Variants in IGF2BP3 observed in about 807,000 individuals in gnomAD.
The protein encoded by IGF2BP3 is insulin like growth factor 2 mRNA binding protein 3.
Under a neutral mutation model 73.8 loss-of-function variants are expected in IGF2BP3, and 9 were observed. That is an observed-to-expected ratio of 0.12 (90% CI 0.07 to 0.21). The LOEUF (loss-of-function observed/expected upper bound fraction) is 0.21. Ranked by LOEUF, IGF2BP3 falls within the 10% of genes least tolerant of loss-of-function variation. IGF2BP3 has a pLI of 1.00. For synonymous variants in IGF2BP3, 258 were observed against 256.7 expected (o/e 1.01, Z -0.05); for missense variants, 542 against 714.0 (o/e 0.76, Z 2.75).
At chr7:23,378,358 C>CAA (rs397955498) in intron 3 of IGF2BP3, among the ~76,000 whole-genome samples, 2,947 of 123,906 alleles carry the variant, frequency 0.024, 44 homozygotes, top group Middle Eastern at 0.047. Flanking sequence ...AGATAGTTTT[C>CAA]AAAAAAAAAA....
At chr7:23,400,894 G>A (rs1786639212) in intron 3 of IGF2BP3, among the ~76,000 whole-genome samples, 1 of 152,186 alleles carries the variant, frequency 6.6e-6, no homozygotes, top group Non-Finnish European at 1.5e-5. Flanking sequence ...CCACCTCCTG[G>A]GTTCAAGTAA....
intron 2 of IGF2BP3, among the ~76,000 whole-genome samples, chr7:23,428,531 AT>A (rs1787583072): frequency 1.4e-5 from 2 of 143,822 alleles, no homozygotes; most frequent in African/African-American, 5.5e-5. Context: ...AAAAAAAAAT[AT>A]ATATATATAA....
chr7:23,349,320 G>A (rs1378115647), intron 6 of IGF2BP3, among the ~76,000 whole-genome samples: 1 of 152,066 alleles, frequency 6.6e-6, no homozygotes, highest in African/African-American at 2.4e-5. Context: ...ATGTTTGGTT[G>A]AAATCTGAAG....
Position 23,342,198 on chromosome 7 carries a change from G to A in IGF2BP3, c.1078-9C>T, listed in dbSNP as rs762304264. The A allele has an allele frequency of 2.2e-5, 35 of 1,613,040 alleles. No homozygotes were observed. Among genetic ancestry groups the A allele is most frequent in the Non-Finnish European group, 2.9e-5 (34 of 1,179,412 alleles). ...ATTAAATGTGCTTGAAGCTGCAACA[G>A]TAAAAAGGCCCCTTAATTTGACAAT... On this transcript the variant is annotated splice_polypyrimidine_tract_variant and intron_variant, in intron 9 of 14. Coordinates refer to ENST00000258729, the MANE Select transcript of IGF2BP3 (RefSeq NM_006547.3).
intron 2 of IGF2BP3, among the ~76,000 whole-genome samples, chr7:23,439,607 A>G (rs908382229): frequency 6.6e-6 from 1 of 151,922 alleles, no homozygotes; most frequent in Non-Finnish European, 1.5e-5. Flanking sequence ...CCTTATGATA[A>G]TGTAGGTTGT....
intron 5 of IGF2BP3, among the ~76,000 whole-genome samples, chr7:23,353,760 C>T (rs962475387): frequency 7.2e-5 from 11 of 152,212 alleles, no homozygotes; most frequent in African/African-American, 2.4e-4. Context: ...ATAGCTGACA[C>T]ATGCCACACT....
At chr7:23,315,872 G>T (rs1258991145) in intron 12 of IGF2BP3, among the ~76,000 whole-genome samples, 3 of 152,086 alleles carry the variant, frequency 2.0e-5, no homozygotes, top group African/African-American at 7.2e-5. Flanking sequence ...AACTACTATG[G>T]CTTAAGTGTT....
chr7:23,312,544 T>C (rs537757764), intron 14 of IGF2BP3, 84 bp from the exon 15 acceptor site: 21 of 1,066,896 alleles, frequency 2.0e-5, no homozygotes, highest in East Asian at 1.7e-4. Flanking sequence ...CAATTTCAAA[T>C]AGAAATCCAT....
chr7:23,316,674 CAAA>C (rs1271667588), intron 12 of IGF2BP3, among the ~76,000 whole-genome samples: 1 of 50,118 alleles, frequency 2.0e-5, no homozygotes, highest in Non-Finnish European at 4.3e-5. Flanking sequence ...GACTCTGTCT[CAAA>C]AAAAAAAAAA....
chr7:23,374,606 T>G (rs1030620948), intron 3 of IGF2BP3, among the ~76,000 whole-genome samples: 26 of 151,968 alleles, frequency 1.7e-4, no homozygotes, highest in African/African-American at 6.3e-4. Context: ...GAACCCAGAG[T>G]TAGGAGGATG....
intron 2 of IGF2BP3, among the ~76,000 whole-genome samples, chr7:23,421,690 CA>C (rs78946584): frequency 0.038 from 2,338 of 60,770 alleles, 41 homozygotes; most frequent in African/African-American, 0.12. Context: ...GACTCCATCT[CA>C]AAAAAAAAAA....
At chr7:23,400,188 A>T (rs1367705368) in intron 3 of IGF2BP3, among the ~76,000 whole-genome samples, 1 of 152,262 alleles carries the variant, frequency 6.6e-6, no homozygotes, top group Non-Finnish European at 1.5e-5. Flanking sequence ...AAAGTTCTCC[A>T]AAGTATTATA....
intron 10 of IGF2BP3, among the ~76,000 whole-genome samples, chr7:23,327,533 G>A (rs1243152113): frequency 6.6e-6 from 1 of 151,932 alleles, no homozygotes; most frequent in Non-Finnish European, 1.5e-5. Flanking sequence ...CGCCCGCCTC[G>A]GCCTCCCAAA....
At chr7:23,392,667 A>T (rs73281645) in intron 3 of IGF2BP3, among the ~76,000 whole-genome samples, 46,031 of 151,708 alleles carry the variant, frequency 0.3, 8,546 homozygotes, top group African/African-American at 0.54. Flanking sequence ...TGCTGCTCTG[A>T]CACCCAGGCC....
intron 11 of IGF2BP3, among the ~76,000 whole-genome samples, chr7:23,318,064 G>A (rs1784039850): frequency 6.6e-6 from 1 of 152,212 alleles, no homozygotes; most frequent in South Asian, 2.1e-4. Flanking sequence ...AACAGAGCTA[G>A]AGGGAGAGCT....
intron 2 of IGF2BP3, among the ~76,000 whole-genome samples, chr7:23,458,221 T>C (rs1483675880): frequency 6.6e-6 from 1 of 152,122 alleles, no homozygotes. Flanking sequence ...ATTTAGTAAG[T>C]GGAGCTGGAA....
At chr7:23,436,259 T>C (rs1787806580) in intron 2 of IGF2BP3, among the ~76,000 whole-genome samples, 1 of 152,248 alleles carries the variant, frequency 6.6e-6, no homozygotes, top group African/African-American at 2.4e-5. Context: ...TTTTTTAATA[T>C]GTAATGATAA....
At chr7:23,323,844 C>T (rs1439811165) in intron 10 of IGF2BP3, among the ~76,000 whole-genome samples, 1 of 151,882 alleles carries the variant, frequency 6.6e-6, no homozygotes, top group Admixed American at 6.6e-5. Context: ...GAAATTAAGG[C>T]AGAAATAAAG....
chr7:23,411,984 CTTTTTTTT>C (rs767524257), intron 3 of IGF2BP3, among the ~76,000 whole-genome samples: 2 of 104,830 alleles, frequency 1.9e-5, no homozygotes, highest in African/African-American at 8.6e-5. Flanking sequence ...ACTTATTTCT[CTTTTTTTT>C]TTTTTTTTTT....
Sources: gnomAD v4.1 joint callset for allele counts (sites outside exome capture counted in the v4.1 genomes callset) on GRCh38, gnomAD v4.1.1 for gene constraint, MANE v1.5 for transcripts, NCBI Gene and HGNC (gene_info 2026-07-23, HGNC 2026-07-21) for gene names.